XIRP2: variants seen among roughly 807,000 people sequenced by gnomAD.
XIRP2 encodes xin actin binding repeat containing 2.
Under a neutral mutation model 277.0 loss-of-function variants are expected in XIRP2, and 236 were observed. The ratio of observed to expected loss-of-function variants is 0.85; its 90% confidence interval spans 0.77 to 0.95. XIRP2 has a LOEUF of 0.95. Ranked by LOEUF, XIRP2 falls within the 40% of genes least tolerant of loss-of-function variation. The pLI, the probability that XIRP2 is intolerant of heterozygous loss-of-function variation, is 0.00. For missense variants in XIRP2, 4,640 were observed against 4,157.5 expected (o/e 1.12, Z -3.19); for synonymous variants, 1,490 against 1,416.5 (o/e 1.05, Z -1.17).
intron 2 of XIRP2, among the ~76,000 whole-genome samples, chr2:167,046,565 A>C (rs750572282): frequency 6.6e-6 from 1 of 152,048 alleles, no homozygotes; most frequent in African/African-American, 2.4e-5. Flanking sequence ...AATGTAGTAC[A>C]TATACACCAT....
At chr2:167,096,860 T>G (rs1373472584) in intron 2 of XIRP2, among the ~76,000 whole-genome samples, 1 of 152,162 alleles carries the variant, frequency 6.6e-6, no homozygotes, top group Non-Finnish European at 1.5e-5. Context: ...TGGTTTTGAG[T>G]GAGTTTCTTA....
intron 5 of XIRP2, among the ~76,000 whole-genome samples, chr2:167,231,831 T>C (rs980263355): frequency 6.6e-6 from 1 of 151,944 alleles, no homozygotes. Flanking sequence ...TTCAAGAAAT[T>C]TATAAGTATT....
At chr2:167,054,207 A>T (rs1235759490) in intron 2 of XIRP2, among the ~76,000 whole-genome samples, 3 of 152,220 alleles carry the variant, frequency 2.0e-5, no homozygotes, top group African/African-American at 7.2e-5. Context: ...TGCACATTGA[A>T]CTATCCTTAC....
At chr2:167,238,876 A>G (rs1242760450) in intron 5 of XIRP2, among the ~76,000 whole-genome samples, 1 of 151,448 alleles carries the variant, frequency 6.6e-6, no homozygotes, top group Non-Finnish European at 1.5e-5. Context: ...CATCATATCA[A>G]TCAATCAATC....
In XIRP2 at chr2:167,244,349, C is replaced by T. The variant is rs2105436185; in HGVS notation, c.2957C>T (p.Thr986Ile). The T allele has an allele frequency of 1.9e-6, 3 of 1,613,744 alleles. No homozygotes were observed. The highest frequency in any genetic ancestry group is 2.5e-6 in the Non-Finnish European group (3 of 1,179,826). The stretch of plus-strand genomic sequence containing the variant: ...TTAAATAAATCTCTCTTCGAGACAA[C>T]ACCACTGTATGCCATTCAAGATCCC... ...VELNKSLFET[T>I]PLYAIQDPLG... is the part of the protein sequence containing the mutation. The change falls in exon 9 of 11, where the codon ACA becomes ATA. Residue 986 changes from threonine to isoleucine, a missense_variant. Transcript: ENST00000409195.
intron 4 of XIRP2, among the ~76,000 whole-genome samples, chr2:167,215,530 T>C (rs1179344160): frequency 6.6e-6 from 1 of 152,152 alleles, no homozygotes; most frequent in Non-Finnish European, 1.5e-5. Context: ...TAATATCTAT[T>C]TGAAAGACTA....
In XIRP2 at chr2:167,251,822, G is replaced by A; in HGVS notation, c.10430G>A (p.Arg3477Lys). Residue 3477 changes from arginine (R) to lysine (K), a missense_variant, in exon 9 of 11, where the codon AGA (arginine) becomes AAA (lysine). Transcript: ENST00000409195. ...LDISDSPKEV[R>K]KNFQKTWQES... is the part of the protein sequence containing the mutation. ...ATCTCTGATTCACCTAAAGAAGTAA[G>A]AAAAAATTTTCAAAAGACGTGGCAA... The A allele has an allele frequency of 6.2e-7, 1 of 1,613,250 alleles. No individual in the cohort carries two copies. Among genetic ancestry groups the A allele is most frequent in the Non-Finnish European group, 8.5e-7 (1 of 1,179,532 alleles).
intron 2 of XIRP2, among the ~76,000 whole-genome samples, chr2:167,011,152 T>A (rs1052899664): frequency 1.3e-5 from 2 of 149,508 alleles, no homozygotes; most frequent in Non-Finnish European, 3.0e-5. Context: ...CTTGTGCCAG[T>A]TTTCAAAGGG....
intron 2 of XIRP2, among the ~76,000 whole-genome samples, chr2:166,979,974 A>C (rs1042876778): frequency 2.6e-5 from 4 of 152,126 alleles, no homozygotes; most frequent in African/African-American, 9.6e-5. Context: ...TTTTTCAAGA[A>C]AGACTGGAAT....
rs376936531 is a variant in XIRP2, at chr2:167,250,580, A to G, written c.9188A>G (p.Asn3063Ser). ...SSKVSNVHVS[N>S]NKNSEQKENK... ...AAAGTATCTAATGTTCATGTCAGCA[A>G]TAATAAAAATAGTGAACAGAAAGAA... The change falls in exon 9 of 11, where the codon AAT (asparagine) becomes AGT (serine). Residue 3063 changes from asparagine (N) to serine (S), a missense_variant. By Grantham distance (46) the Asn-to-Ser change is conservative (BLOSUM62 1). Transcript: ENST00000409195. 111 of 1,613,454 alleles carry G rather than the reference A, an allele frequency of 6.9e-5. No homozygotes were observed. The highest frequency in any genetic ancestry group is 9.2e-5 in the Non-Finnish European group (108 of 1,179,704).
chr2:167,093,734 G>T (rs1285808981), intron 2 of XIRP2, among the ~76,000 whole-genome samples: 1 of 152,094 alleles, frequency 6.6e-6, no homozygotes. Context: ...CATTTGGGTT[G>T]GTTCCAAGTC....
At chr2:167,068,580 A>G (rs1187331696) in intron 2 of XIRP2, among the ~76,000 whole-genome samples, 1 of 151,906 alleles carries the variant, frequency 6.6e-6, no homozygotes. Flanking sequence ...TGTAGGCCAC[A>G]TAGTCCCTTT....
intron 2 of XIRP2, among the ~76,000 whole-genome samples, chr2:167,075,074 A>G (rs1410971935): frequency 6.6e-6 from 1 of 152,172 alleles, no homozygotes; most frequent in Non-Finnish European, 1.5e-5. Context: ...TCTATAGTTT[A>G]TTTGGATGTG....
At chr2:167,184,604 A>T in intron 3 of XIRP2, 1 of 717,284 alleles carries the variant, frequency 1.4e-6, no homozygotes, top group African/African-American at 1.7e-5. Flanking sequence ...ATTGACAAAG[A>T]CCCCCAAGAA....
chr2:167,027,834 A>G (rs1688216989), intron 2 of XIRP2, among the ~76,000 whole-genome samples: 1 of 152,094 alleles, frequency 6.6e-6, no homozygotes, highest in African/African-American at 2.4e-5. Flanking sequence ...AAATAGGGAA[A>G]AGAATTCAAA....
Position 167,245,870 on chromosome 2 carries a change from T to A in XIRP2, c.4478T>A (p.Leu1493His). 1.9e-6 allele frequency: 3 copies of A among 1,613,772 alleles called. No individual in the cohort carries two copies. The highest frequency in any genetic ancestry group is 2.5e-6 in the Non-Finnish European group (3 of 1,179,788). ...GGTGATGTTAAGCAGGCTGTGTGGCTTTTTGAAAATCGAACTTTCGATTCT... is the reference window on the plus strand; with the variant it reads ...GGTGATGTTAAGCAGGCTGTGTGGCATTTTGAAAATCGAACTTTCGATTCT... ...QKGDVKQAVW[L>H]FENRTFDSIM... The change falls in exon 9 of 11, where the codon CTT (leucine) becomes CAT (histidine). Residue 1493 changes from leucine to histidine, a missense_variant. Leu to His is a moderately conservative substitution (Grantham distance 99). Coordinates refer to ENST00000409195, the MANE Select transcript of XIRP2 (RefSeq NM_152381.6).
At chr2:167,082,193 G>T (rs1303569391) in intron 2 of XIRP2, among the ~76,000 whole-genome samples, 1 of 151,214 alleles carries the variant, frequency 6.6e-6, no homozygotes, top group East Asian at 1.9e-4. Flanking sequence ...AGAATATGCG[G>T]TGTTTGGTTT....
At chr2:167,007,446 GTAATGT>G (rs1687533461) in intron 2 of XIRP2, among the ~76,000 whole-genome samples, 1 of 151,620 alleles carries the variant, frequency 6.6e-6, no homozygotes, top group Admixed American at 6.6e-5. Context: ...GACATTACCA[GTAATGT>G]TAATCAGTAA....
At chr2:166,926,904 T>C (rs924497519) in intron 2 of XIRP2, among the ~76,000 whole-genome samples, 3 of 152,088 alleles carry the variant, frequency 2.0e-5, no homozygotes, top group African/African-American at 7.2e-5. Flanking sequence ...CAGTCAGCAA[T>C]AGCTCAAGAC....
Sources: allele counts gnomAD v4.1 joint callset (sites outside exome capture counted in the v4.1 genomes callset), GRCh38; gene constraint gnomAD v4.1.1; transcripts MANE v1.5; gene names NCBI Gene and HGNC (gene_info 2026-07-23, HGNC 2026-07-21).